Variants in THSD4 observed in about 807,000 individuals in gnomAD.
THSD4 encodes the protein thrombospondin type-1 domain-containing protein 4.
A neutral mutation model predicts 119.0 loss-of-function variants in THSD4; 69 were observed. That is an observed-to-expected ratio of 0.58 (90% CI 0.48 to 0.71). THSD4 has a LOEUF of 0.71. THSD4 is among the 30% of genes least tolerant of loss of function. The pLI is 0.00. For missense variants in THSD4, 1,393 were observed against 1,391.1 expected, an observed-to-expected ratio of 1.00 and a Z score of -0.02; for synonymous variants, 524 against 540.4, an observed-to-expected ratio of 0.97 and a Z score of 0.42.
chr15:71,244,873 A>G (rs2044185847), intron 5 of THSD4, among the ~76,000 whole-genome samples: 1 of 152,244 alleles, frequency 6.6e-6, no homozygotes, highest in Admixed American at 6.5e-5. Context: ...TTAATTTTGA[A>G]GACCAAGCAA....
chr15:71,626,373 C>T (rs2050510433), intron 7 of THSD4, among the ~76,000 whole-genome samples: 1 of 152,136 alleles, frequency 6.6e-6, no homozygotes, highest in Admixed American at 6.5e-5. Flanking sequence ...TGACTGTGGG[C>T]ATCTTTGTCT....
chr15:71,492,719 A>G (rs909035755), intron 7 of THSD4, among the ~76,000 whole-genome samples: 4 of 151,956 alleles, frequency 2.6e-5, no homozygotes, highest in Admixed American at 6.5e-5. Context: ...TTTGTGTCCC[A>G]GGTCCAGAGT....
At chr15:71,193,379 A>G (rs2043689617) in intron 3 of THSD4, among the ~76,000 whole-genome samples, 1 of 152,176 alleles carries the variant, frequency 6.6e-6, no homozygotes, top group Non-Finnish European at 1.5e-5. Flanking sequence ...TAGCAATATT[A>G]ACACGCATTA....
chr15:71,701,645 A>G (rs1259833566), intron 8 of THSD4, among the ~76,000 whole-genome samples: 1 of 152,154 alleles, frequency 6.6e-6, no homozygotes, highest in Non-Finnish European at 1.5e-5. Flanking sequence ...ATAACACAAA[A>G]TGAAGGTCCT....
chr15:71,757,910 G>A lies in THSD4; in HGVS notation c.2424G>A (p.Ala808=), dbSNP rs192167619. Residue 808 remains alanine (A), a synonymous_variant, in exon 15 of 18, where the codon GCG becomes GCA. Transcript: ENST00000261862. ...FLTEWSERCS[A]ECGAGVRTRS... ...CTTCCCCTGTCTCACAGTGCTCAGCGGAGTGTGGGGCCGGAGTGCGGACAC... is the reference window on the plus strand; with the variant it reads ...CTTCCCCTGTCTCACAGTGCTCAGCAGAGTGTGGGGCCGGAGTGCGGACAC... The A allele has an allele frequency of 5.6e-5, 90 of 1,613,600 alleles. 1 individual carries two copies. In the East Asian group the frequency reaches 9.1e-4, roughly 16 times the overall value.
intron 8 of THSD4, among the ~76,000 whole-genome samples, chr15:71,701,725 T>TG (rs377374279): frequency 6.6e-6 from 1 of 152,290 alleles, no homozygotes; most frequent in African/African-American, 2.4e-5. Flanking sequence ...TGTGAACTTT[T>TG]ATATAATTTT....
At chr15:71,363,792 A>G (rs965104822) in intron 6 of THSD4, among the ~76,000 whole-genome samples, 14 of 152,230 alleles carry the variant, frequency 9.2e-5, no homozygotes, top group Admixed American at 8.5e-4. Context: ...CTCTGCTGAC[A>G]AAATTCATTT....
chr15:71,202,919 C>T (rs1456818016), intron 3 of THSD4, among the ~76,000 whole-genome samples: 2 of 152,122 alleles, frequency 1.3e-5, no homozygotes, highest in Non-Finnish European at 2.9e-5. Flanking sequence ...TTAGAGAGAG[C>T]GGGCAGAACA....
At chr15:71,283,111 A>G (rs983150239) in intron 6 of THSD4, among the ~76,000 whole-genome samples, 1 of 152,012 alleles carries the variant, frequency 6.6e-6, no homozygotes, top group Non-Finnish European at 1.5e-5. Flanking sequence ...CTGGGACTAC[A>G]GGCGCGTGCC....
At chr15:71,482,019 G>A (rs2047737707) in intron 7 of THSD4, among the ~76,000 whole-genome samples, 1 of 152,144 alleles carries the variant, frequency 6.6e-6, no homozygotes. Context: ...AGAAAACATG[G>A]GGTAAAAAAA....
intron 6 of THSD4, among the ~76,000 whole-genome samples, chr15:71,339,350 G>T (rs571891011): frequency 2.0e-5 from 3 of 151,814 alleles, no homozygotes; most frequent in South Asian, 4.2e-4. Context: ...CAAGTTTAAT[G>T]ACTCAGGAAA....
chr15:71,642,693 C>T lies in THSD4; in HGVS notation c.1153-17837C>T, dbSNP rs189469064. 4.0e-3 allele frequency among the ~76,000 whole-genome samples: 614 copies of T among 151,916 alleles called. 6 individuals are homozygous for T. Among genetic ancestry groups the T allele is most frequent in the African/African-American group, 0.013 (558 of 41,410 alleles). ...GAAATCATCATTCTCAGTAAACTATCGCAAGAACAAAAAACCAAACACCGC... is the reference window on the plus strand; with the variant it reads ...GAAATCATCATTCTCAGTAAACTATTGCAAGAACAAAAAACCAAACACCGC... On this transcript the variant is annotated intron_variant, in intron 7 of 17. Transcript: ENST00000261862.
intron 4 of THSD4, among the ~76,000 whole-genome samples, chr15:71,216,596 A>G (rs991989383): frequency 1.3e-5 from 2 of 152,198 alleles, no homozygotes; most frequent in Non-Finnish European, 2.9e-5. Context: ...GAGTAGACAG[A>G]AGAGAGGAGT....
chr15:71,150,412 G>A (rs1251938122), intron 2 of THSD4, among the ~76,000 whole-genome samples: 1 of 152,206 alleles, frequency 6.6e-6, no homozygotes, highest in Non-Finnish European at 1.5e-5. Flanking sequence ...TCAGCCCTTG[G>A]CAGAGTTTCC....
At chr15:71,469,035 G>A (rs1000649059) in intron 7 of THSD4, among the ~76,000 whole-genome samples, 3 of 152,176 alleles carry the variant, frequency 2.0e-5, no homozygotes, top group African/African-American at 7.2e-5. Flanking sequence ...AATAAATATT[G>A]GAAGACAACT....
intron 6 of THSD4, among the ~76,000 whole-genome samples, chr15:71,411,398 T>A (rs929233765): frequency 6.6e-6 from 1 of 152,098 alleles, no homozygotes; most frequent in African/African-American, 2.4e-5. Flanking sequence ...AGATTGGTGG[T>A]TGCCAAGATC....
At chr15:71,562,348 A>G (rs1452302051) in intron 7 of THSD4, among the ~76,000 whole-genome samples, 2 of 152,118 alleles carry the variant, frequency 1.3e-5, no homozygotes, top group African/African-American at 2.4e-5. Flanking sequence ...AGTTTTGTAC[A>G]TCAACCATCT....
chr15:71,775,553 C>T (rs540275057), intron 17 of THSD4, among the ~76,000 whole-genome samples: 20 of 151,600 alleles, frequency 1.3e-4, no homozygotes, highest in East Asian at 5.9e-4. Context: ...ACTAAAAATA[C>T]GAAAAAAATT....
At chr15:71,125,314 C>A (rs1176793014) in intron 1 of THSD4, among the ~76,000 whole-genome samples, 3 of 151,958 alleles carry the variant, frequency 2.0e-5, no homozygotes, top group Non-Finnish European at 2.9e-5. Flanking sequence ...AAAAGGCAGG[C>A]GAGAGCATAG....
Sources: allele counts gnomAD v4.1 joint callset (sites outside exome capture counted in the v4.1 genomes callset), GRCh38; gene constraint gnomAD v4.1.1; transcripts MANE v1.5; gene names NCBI Gene and HGNC (gene_info 2026-07-23, HGNC 2026-07-21).